Variants in WBP1L observed in about 807,000 individuals in gnomAD.
The protein encoded by WBP1L is WW domain binding protein 1 like, also known as WW domain binding protein 1-like.
Under a neutral mutation model 33.7 loss-of-function variants are expected in WBP1L, and 17 were observed. The observed-to-expected ratio is 0.50, with a 90% CI of 0.34 to 0.76. The LOEUF (loss-of-function observed/expected upper bound fraction) is 0.76. Ranked by LOEUF, WBP1L falls within the 30% of genes least tolerant of loss-of-function variation. WBP1L has a pLI of 0.01. For synonymous variants in WBP1L, 173 were observed against 190.8 expected (o/e 0.91, Z 0.77); for missense variants, 389 against 469.4 (o/e 0.83, Z 1.58).
chr10:102,813,660 A>C lies in WBP1L; in HGVS notation c.*329A>C. ...AGATGTGTTTTAAAAGCCCCCAAGG[A>C]AGGAGGCTGGGACTGTGCCCTGACA... On this transcript the variant is annotated 3_prime_UTR_variant, in exon 4 of 4. Coordinates refer to ENST00000448841, the MANE Select transcript of WBP1L (RefSeq NM_001083913.2). The C allele has an allele frequency of 3.0e-6, 1 of 335,654 alleles. No homozygotes were observed. Among genetic ancestry groups the C allele is most frequent in the Non-Finnish European group, 5.5e-6 (1 of 181,814 alleles). 20.8% of individuals were successfully genotyped at this position (335,654 alleles called of 1,614,324 possible).
intron 1 of WBP1L, among the ~76,000 whole-genome samples, chr10:102,764,130 GA>G (rs1843078136): frequency 6.6e-6 from 1 of 152,094 alleles, no homozygotes; most frequent in Admixed American, 6.6e-5. Flanking sequence ...GTATTTTCTT[GA>G]AGTTTGCTGA....
intron 3 of WBP1L, 138 bp from the exon 4 acceptor site, chr10:102,812,457 A>G: frequency 9.5e-7 from 1 of 1,049,072 alleles, no homozygotes; most frequent in Non-Finnish European, 1.3e-6. Context: ...TCCTCTGCTC[A>G]CAACCAAGAG....
Position 102,814,018 on chromosome 10 carries a change from G to A in WBP1L, c.*687G>A, listed in dbSNP as rs571720352. 2 of 152,334 alleles carry A rather than the reference G, an allele frequency of 1.3e-5. No individual in the cohort carries two copies. The highest frequency in any genetic ancestry group is 1.9e-4 in the East Asian group (1 of 5,194). 9.4% of individuals were successfully genotyped at this position (152,334 alleles called of 1,614,324 possible). A position where few individuals can be genotyped will look rare whatever the true frequency, so the allele number is the denominator to read the frequency against. On this transcript the variant is annotated 3_prime_UTR_variant, in exon 4 of 4. Transcript: ENST00000448841. ...GCCGCAGGCTGGTTCTGGTGTGAAA[G>A]GTTATACTGCCTTTTCTTTGTTTGT... is the stretch of plus-strand genomic sequence containing the variant.
At chr10:102,753,116 A>G (rs970617871) in intron 1 of WBP1L, among the ~76,000 whole-genome samples, 1 of 152,156 alleles carries the variant, frequency 6.6e-6, no homozygotes, top group Non-Finnish European at 1.5e-5. Flanking sequence ...TACCCCATTC[A>G]TGGACACCAC....
intron 1 of WBP1L, among the ~76,000 whole-genome samples, chr10:102,744,810 A>G (rs1370181872): frequency 6.6e-6 from 1 of 152,182 alleles, no homozygotes; most frequent in Non-Finnish European, 1.5e-5. Context: ...CAAGTCACGG[A>G]TGCTGATCTG....
At position 102,815,503 on chromosome 10, in the gene WBP1L, C is replaced by T. The variant is rs1843925682; in HGVS notation, c.*2172C>T. Reference sequence around the variant, plus strand: ...GACTAGCTGTGGCCCAGACATCGGCCCTGCCCAGAATTGCCAGGAGGAGGC... The same window carrying T: ...GACTAGCTGTGGCCCAGACATCGGCTCTGCCCAGAATTGCCAGGAGGAGGC... On this transcript the variant is annotated 3_prime_UTR_variant, in exon 4 of 4. Transcript: ENST00000448841. The T allele has an allele frequency of 6.6e-6, 1 of 152,274 alleles. No homozygotes were observed. Among genetic ancestry groups the T allele is most frequent in the Non-Finnish European group, 1.5e-5 (1 of 68,048 alleles). 9.4% of individuals were successfully genotyped at this position (152,274 alleles called of 1,614,324 possible). A position where few individuals can be genotyped will look rare whatever the true frequency, so the allele number is the denominator to read the frequency against.
At chr10:102,810,564 C>CTT (rs779749788) in intron 3 of WBP1L, among the ~76,000 whole-genome samples, 16,915 of 59,778 alleles carry the variant, frequency 0.28, 5,350 homozygotes, top group Middle Eastern at 0.4. Flanking sequence ...CTCTCTATTT[C>CTT]TTTTTTTTTT....
intron 2 of WBP1L, among the ~76,000 whole-genome samples, chr10:102,800,114 G>T (rs901740399): frequency 6.6e-6 from 1 of 152,130 alleles, no homozygotes; most frequent in African/African-American, 2.4e-5. Context: ...CTTACTAGAG[G>T]ACACACAGTG....
intron 1 of WBP1L, among the ~76,000 whole-genome samples, chr10:102,795,923 A>G (rs1423334010): frequency 2.0e-5 from 3 of 152,226 alleles, no homozygotes; most frequent in East Asian, 3.8e-4. Context: ...GAAGTTGACT[A>G]GATAGCCAGT....
intron 2 of WBP1L, 44 bp from the exon 3 acceptor site, chr10:102,809,849 G>T: frequency 6.3e-7 from 1 of 1,576,464 alleles, no homozygotes; most frequent in Non-Finnish European, 8.6e-7. Context: ...CCTCTGGCTG[G>T]TACTCACTGT....
chr10:102,777,253 A>C (rs1843277584), intron 1 of WBP1L, among the ~76,000 whole-genome samples: 1 of 151,984 alleles, frequency 6.6e-6, no homozygotes, highest in Non-Finnish European at 1.5e-5. Flanking sequence ...GCTGGCCATA[A>C]GGGGTGGGGA....
In WBP1L at chr10:102,814,873, A is replaced by G. The variant is rs1311462636; in HGVS notation, c.*1542A>G. 1 of 152,618 alleles carries G rather than the reference A, an allele frequency of 6.6e-6. No individual in the cohort carries two copies. Among genetic ancestry groups the G allele is most frequent in the East Asian group, 1.9e-4 (1 of 5,200 alleles). 9.5% of individuals were successfully genotyped at this position (152,618 alleles called of 1,614,324 possible). ...CATTGATGTTATGGAAGAAAGAAAG[A>G]AACAAACAAAATATATATATATATG... On this transcript the variant is annotated 3_prime_UTR_variant, in exon 4 of 4. Transcript: ENST00000448841.
At chr10:102,761,646 C>T (rs1843043650) in intron 1 of WBP1L, among the ~76,000 whole-genome samples, 1 of 151,984 alleles carries the variant, frequency 6.6e-6, no homozygotes, top group African/African-American at 2.4e-5. Context: ...TTAGTGGAGA[C>T]AGGGTTTAAC....
At chr10:102,752,815 AGAG>A (rs1842938028) in intron 1 of WBP1L, among the ~76,000 whole-genome samples, 1 of 152,134 alleles carries the variant, frequency 6.6e-6, no homozygotes. Context: ...GTCTGTCACA[AGAG>A]AAGCTAAGTG....
rs143292709 is a variant in WBP1L at position 102,777,197 on chromosome 10, C to T, written c.91-20796C>T. Among the ~76,000 whole-genome samples, 156 of 152,270 alleles carry T rather than the reference C, an allele frequency of 1.0e-3. 2 individuals carry two copies. Among genetic ancestry groups the T allele is most frequent in the Non-Finnish European group, 1.2e-3 (79 of 68,018 alleles). On this transcript the variant is annotated intron_variant, in intron 1 of 3. Transcript: ENST00000448841. ...TCAGACACCCCCACCCCCTCTTCGT[C>T]TGAGAGGCATGTCTGTATCGGAATG...
chr10:102,744,226 G>T, intron 1 of WBP1L, 83 bp downstream of exon 1: 3 of 1,407,648 alleles, frequency 2.1e-6, no homozygotes, highest in Non-Finnish European at 1.9e-6. Context: ...GAGTGTTGTT[G>T]CCAAGAGTTG....
chr10:102,748,974 T>A (rs1045586178), intron 1 of WBP1L, among the ~76,000 whole-genome samples: 1 of 152,164 alleles, frequency 6.6e-6, no homozygotes, highest in African/African-American at 2.4e-5. Flanking sequence ...GGAGGTGACA[T>A]GTACTCTGTG....
At chr10:102,763,737 G>A (rs1215125955) in intron 1 of WBP1L, among the ~76,000 whole-genome samples, 1 of 152,226 alleles carries the variant, frequency 6.6e-6, no homozygotes, top group African/African-American at 2.4e-5. Context: ...GTTACCAGCT[G>A]TATTCCAGCT....
intron 1 of WBP1L, among the ~76,000 whole-genome samples, chr10:102,769,445 C>G (rs1348197154): frequency 1.3e-5 from 2 of 151,636 alleles, no homozygotes; most frequent in African/African-American, 2.4e-5. Flanking sequence ...TTGTCCCTCG[C>G]CTCACCATGT....
Sources: allele counts gnomAD v4.1 joint callset (sites outside exome capture counted in the v4.1 genomes callset), GRCh38; gene constraint gnomAD v4.1.1; transcripts MANE v1.5; gene names NCBI Gene and HGNC (gene_info 2026-07-23, HGNC 2026-07-21).